The following MDGA2 variants were observed in gnomAD, a reference collection of about 807,000 sequenced individuals.
The protein encoded by MDGA2 is MAM domain-containing glycosylphosphatidylinositol anchor protein 2.
Under a neutral mutation model 117.8 loss-of-function variants are expected in MDGA2, and 40 were observed. The observed-to-expected ratio is 0.34, with a 90% confidence interval of 0.26 to 0.44. MDGA2 has a LOEUF of 0.44. Among genes scored for constraint, MDGA2 ranks in the 20% least tolerant of loss-of-function variants. MDGA2 has a pLI of 1.00. For missense variants in MDGA2, 1,123 were observed against 1,250.6 expected (o/e 0.90, Z 1.54); for synonymous variants, 452 against 439.0 (o/e 1.03, Z -0.37).
intron 3 of MDGA2, among the ~76,000 whole-genome samples, chr14:47,216,025 T>C (rs1291433127): frequency 6.6e-6 from 1 of 152,092 alleles, no homozygotes; most frequent in African/African-American, 2.4e-5. Context: ...TTGGGAAATC[T>C]GGAGATAACA....
intron 2 of MDGA2, among the ~76,000 whole-genome samples, chr14:47,286,417 T>C (rs1317998738): frequency 6.6e-6 from 1 of 152,106 alleles, no homozygotes; most frequent in Non-Finnish European, 1.5e-5. Context: ...ACCTCCATTC[T>C]ATTCACTGCT....
intron 1 of MDGA2, among the ~76,000 whole-genome samples, chr14:47,674,273 C>A (rs1490761346): frequency 6.6e-6 from 1 of 152,218 alleles, no homozygotes; most frequent in Non-Finnish European, 1.5e-5. Context: ...GCCGCTCGTT[C>A]GCACGAGTGC....
chr14:47,609,466 A>ATATATATATATATATATATATAT (rs1566539792), intron 1 of MDGA2, among the ~76,000 whole-genome samples: 10 of 20,772 alleles, frequency 4.8e-4, no homozygotes, highest in Non-Finnish European at 7.4e-4. Context: ...TATATATATA[A>ATATATATATATATATATATATAT]GTTTCTTTAT....
intron 1 of MDGA2, among the ~76,000 whole-genome samples, chr14:47,497,662 T>A (rs529245669): frequency 6.6e-6 from 1 of 152,330 alleles, no homozygotes; most frequent in Admixed American, 6.5e-5. Context: ...TCTGCTTGTA[T>A]GTCAATTTAA....
At chr14:47,429,127 A>C (rs975979600) in intron 1 of MDGA2, among the ~76,000 whole-genome samples, 1 of 151,812 alleles carries the variant, frequency 6.6e-6, no homozygotes, top group African/African-American at 2.4e-5. Context: ...TGGGAAGCTG[A>C]GACATGAGAA....
intron 8 of MDGA2, among the ~76,000 whole-genome samples, chr14:46,993,089 A>T (rs1027358518): frequency 6.6e-6 from 1 of 152,118 alleles, no homozygotes; most frequent in South Asian, 2.1e-4. Flanking sequence ...TTCTTCTCAT[A>T]CACTAGGAAA....
At chr14:47,035,683 A>G (rs927761817) in intron 7 of MDGA2, among the ~76,000 whole-genome samples, 3 of 152,188 alleles carry the variant, frequency 2.0e-5, no homozygotes, top group African/African-American at 7.2e-5. Context: ...AGTAGTCAGA[A>G]AGGGAAAAAG....
In MDGA2 at chr14:47,231,151, C is replaced by A. The variant is rs545654935; in HGVS notation, c.421-12956G>T. ...ATTAACTAACTTTCCTACTACTGCACAATTAGTAAATAGTGCTTCCAGGGT... is the reference window on the plus strand; with the variant it reads ...ATTAACTAACTTTCCTACTACTGCAAAATTAGTAAATAGTGCTTCCAGGGT... On this transcript the variant is annotated intron_variant, in intron 2 of 16. Coordinates refer to ENST00000399232, the MANE Select transcript of MDGA2 (RefSeq NM_001113498.3). Among the ~76,000 whole-genome samples, 389 of 152,070 alleles carry A rather than the reference C, an allele frequency of 2.6e-3. 2 individuals are homozygous for A. Among genetic ancestry groups the A allele is most frequent in the African/African-American group, 9.0e-3 (374 of 41,518 alleles).
intron 1 of MDGA2, among the ~76,000 whole-genome samples, chr14:47,504,053 T>C (rs1037392278): frequency 6.6e-6 from 1 of 152,178 alleles, no homozygotes; most frequent in Non-Finnish European, 1.5e-5. Context: ...ATGCTTTTTA[T>C]ACAGCTAGGT....
chr14:47,402,815 C>A (rs1427165776), intron 1 of MDGA2, among the ~76,000 whole-genome samples: 2 of 151,906 alleles, frequency 1.3e-5, no homozygotes, highest in South Asian at 4.2e-4. Flanking sequence ...AAAAATGTAC[C>A]CATTAAGTAT....
chr14:46,920,959 A>T (rs1398313759), intron 9 of MDGA2, among the ~76,000 whole-genome samples: 3 of 152,228 alleles, frequency 2.0e-5, no homozygotes, highest in Admixed American at 1.3e-4. Context: ...AATTACGTAT[A>T]GTGTATATAC....
intron 4 of MDGA2, among the ~76,000 whole-genome samples, chr14:47,139,808 A>G (rs1315492716): frequency 2.1e-5 from 3 of 143,154 alleles, no homozygotes; most frequent in African/African-American, 5.2e-5. Context: ...ATATATGTAT[A>G]TATATACACA....
intron 1 of MDGA2, among the ~76,000 whole-genome samples, chr14:47,546,514 T>C (rs907852802): frequency 2.6e-5 from 4 of 152,338 alleles, no homozygotes; most frequent in Middle Eastern, 6.8e-3. Context: ...ATATTGAATA[T>C]GAAGAGAACC....
chr14:47,373,162 T>C (rs79604084), intron 1 of MDGA2, among the ~76,000 whole-genome samples: 1 of 152,010 alleles, frequency 6.6e-6, no homozygotes, highest in African/African-American at 2.4e-5. Flanking sequence ...TTGGAGAGTT[T>C]TGAAAAGAAG....
chr14:46,960,059 C>G (rs12587605), intron 8 of MDGA2, among the ~76,000 whole-genome samples: 1 of 151,618 alleles, frequency 6.6e-6, no homozygotes, highest in African/African-American at 2.4e-5. Flanking sequence ...CCGTCTCTAC[C>G]AAAAATACAA....
intron 3 of MDGA2, among the ~76,000 whole-genome samples, chr14:47,177,875 T>C (rs1388171913): frequency 6.6e-6 from 1 of 152,146 alleles, no homozygotes; most frequent in Non-Finnish European, 1.5e-5. Context: ...TGTATATACA[T>C]AATATATTAA....
intron 1 of MDGA2, among the ~76,000 whole-genome samples, chr14:47,494,032 T>C (rs919596853): frequency 6.6e-6 from 1 of 152,144 alleles, no homozygotes; most frequent in Non-Finnish European, 1.5e-5. Flanking sequence ...TGAGTTATCA[T>C]GAGATCTGAT....
intron 10 of MDGA2, among the ~76,000 whole-genome samples, chr14:46,913,899 CTGAA>C (rs1595040638): frequency 5.9e-5 from 9 of 151,850 alleles, no homozygotes; most frequent in Admixed American, 3.9e-4. Context: ...ATTTTATTGA[CTGAA>C]TGGGAGAGCA....
At chr14:47,053,074 A>G (rs1889513039) in intron 7 of MDGA2, among the ~76,000 whole-genome samples, 1 of 151,998 alleles carries the variant, frequency 6.6e-6, no homozygotes, top group Non-Finnish European at 1.5e-5. Context: ...CCGGTGAAGA[A>G]GTACTGAAGG....
Sources: gnomAD v4.1 joint callset for allele counts (sites outside exome capture counted in the v4.1 genomes callset) on GRCh38, gnomAD v4.1.1 for gene constraint, MANE v1.5 for transcripts, NCBI Gene and HGNC (gene_info 2026-07-23, HGNC 2026-07-21) for gene names.